The following ADGRA2 variants were observed in gnomAD, a reference collection of about 807,000 sequenced individuals.
The protein encoded by ADGRA2 is G-protein coupled receptor 124.
Under a neutral mutation model 98.7 loss-of-function variants are expected in ADGRA2, and 61 were observed. The ratio of observed to expected loss-of-function variants is 0.62; its 90% CI spans 0.50 to 0.76. The LOEUF (loss-of-function observed/expected upper bound fraction) is 0.76, where lower values mean the gene tolerates loss of function less well. Ranked by LOEUF, ADGRA2 falls within the 30% of genes least tolerant of loss-of-function variation. The pLI, the probability that ADGRA2 is intolerant of heterozygous loss-of-function variation, is 0.00. For missense variants in ADGRA2, 1,712 were observed against 1,860.0 expected (o/e 0.92, Z 1.46); for synonymous variants, 858 against 831.5 (o/e 1.03, Z -0.55).
In ADGRA2 at chr8:37,816,927, AACACACACACACACACAC is replaced by A. The variant is rs3050620; in HGVS notation, c.338+1992_338+2009del. On this transcript the variant is annotated intron_variant, in intron 2 of 18. Transcript: ENST00000412232. ...CAAGACTGTCTCAAAAAGAAAGCAA[AACACACACACACACACAC>A]ACACACACACACACACACACACACA... Among the ~76,000 whole-genome samples, 148 of 131,988 alleles carry A rather than the reference AACACACACACACACACAC, an allele frequency of 1.1e-3. 2 individuals carry two copies. Among genetic ancestry groups the A allele is most frequent in the Middle Eastern group, 4.0e-3 (1 of 252 alleles). The allele number at this position is 131,988 out of a possible 152,430, so 86.6% of individuals were successfully genotyped here.
In ADGRA2 at chr8:37,844,890, C is replaced by G; in HGVS notation, c.*2535C>G. Reference sequence around the variant, plus strand: ...CTTCACCACAGACCGTTTGTCAAGTCTCAGAACTCGTAACCAGGCCAGCTG... The same window carrying G: ...CTTCACCACAGACCGTTTGTCAAGTGTCAGAACTCGTAACCAGGCCAGCTG... On this transcript the variant is annotated 3_prime_UTR_variant, in exon 19 of 19. Transcript: ENST00000412232. 4 of 1,614,196 alleles carry G rather than the reference C, an allele frequency of 2.5e-6. No homozygotes were observed. Among genetic ancestry groups the G allele is most frequent in the Non-Finnish European group, 2.5e-6 (3 of 1,180,026 alleles).
intron 13 of ADGRA2, among the ~76,000 whole-genome samples, chr8:37,836,097 A>ACACACCC (rs1245868623): frequency 9.2e-5 from 10 of 108,742 alleles, no homozygotes; most frequent in African/African-American, 3.3e-4. Flanking sequence ...ACACACACAC[A>ACACACCC]CCCCACAGGC....
rs1490502608 is a variant in ADGRA2 at position 37,837,849 on chromosome 8, C to A, written c.2169C>A (p.Gly723=). Reference sequence around the variant, plus strand: ...AGGAGGGGCCCGGGGAGGCTGGGGGCTGGACCTCGGAGGGCTGCCAGCTCC... The same window carrying A: ...AGGAGGGGCCCGGGGAGGCTGGGGGATGGACCTCGGAGGGCTGCCAGCTCC... ...WSQEGPGEAG[G]WTSEGCQLRS... Residue 723 remains glycine, a synonymous_variant, in exon 14 of 19, where the codon GGC becomes GGA. Coordinates refer to ENST00000412232, the MANE Select transcript of ADGRA2 (RefSeq NM_032777.10). 4 of 1,516,372 alleles carry A rather than the reference C, an allele frequency of 2.6e-6. No homozygotes were observed. The highest frequency in any genetic ancestry group is 3.5e-6 in the Non-Finnish European group (4 of 1,130,700). The allele number at this position is 1,516,372 out of a possible 1,614,324, so 93.9% of individuals were successfully genotyped here. A position where few individuals can be genotyped will look rare whatever the true frequency, so the allele number is the denominator to read the frequency against.
chr8:37,823,567 T>G (rs1805185995), intron 2 of ADGRA2, among the ~76,000 whole-genome samples: 2 of 152,214 alleles, frequency 1.3e-5, no homozygotes, highest in South Asian at 4.1e-4. Flanking sequence ...CTTGTGTGGA[T>G]GTATCTGTAT....
chr8:37,826,952 C>T (rs1805300644), intron 2 of ADGRA2, among the ~76,000 whole-genome samples: 1 of 152,138 alleles, frequency 6.6e-6, no homozygotes, highest in African/African-American at 2.4e-5. Flanking sequence ...GCAAGTGGGC[C>T]CCAGAAATCT....
intron 17 of ADGRA2, 64 bp downstream of exon 17, chr8:37,840,330 C>T (rs1354029468): frequency 4.6e-5 from 72 of 1,561,594 alleles, no homozygotes; most frequent in Non-Finnish European, 6.3e-5. Context: ...TAGGAAACCT[C>T]CCAAGGTGGG....
rs187719716 is a variant in ADGRA2 at position 37,829,731 on chromosome 8, A to G, written c.555-120A>G. 360 of 1,076,210 alleles carry G rather than the reference A, an allele frequency of 3.3e-4. 2 individuals are homozygous for G. In the East Asian group the frequency reaches 5.5e-3, roughly 17 times the overall value. The allele number at this position is 1,076,210 out of a possible 1,614,324, so 66.7% of individuals were successfully genotyped here. Reference sequence around the variant, plus strand: ...CGATGGCCCGGGGCAGAGATGGTGCACATAGACCCGATTTTGCCCCTCCTA... The same window carrying G: ...CGATGGCCCGGGGCAGAGATGGTGCGCATAGACCCGATTTTGCCCCTCCTA... On this transcript the variant is annotated intron_variant, in intron 5 of 18. Coordinates refer to ENST00000412232, the MANE Select transcript of ADGRA2 (RefSeq NM_032777.10).
Position 37,835,573 on chromosome 8 carries a change from C to A in ADGRA2, c.1853C>A (p.Ser618Tyr). ...FHIKNSVALASIQLPPSLFSS... is the reference protein window; with the variant it reads ...FHIKNSVALAYIQLPPSLFSS... ...CCCCAGAACAGCGTGGCCCTGGCCTCCATCCAGCTGCCCCCGAGTCTATTC... is the reference window on the plus strand; with the variant it reads ...CCCCAGAACAGCGTGGCCCTGGCCTACATCCAGCTGCCCCCGAGTCTATTC... The change falls in exon 13 of 19, where the codon TCC (serine) becomes TAC (tyrosine). Residue 618 changes from serine to tyrosine, a missense_variant. By Grantham distance (144) the Ser-to-Tyr change is moderately radical. Coordinates refer to ENST00000412232, the MANE Select transcript of ADGRA2 (RefSeq NM_032777.10). 1.2e-6 allele frequency: 2 copies of A among 1,612,886 alleles called. No homozygotes were observed. The highest frequency in any genetic ancestry group is 8.5e-7 in the Non-Finnish European group (1 of 1,178,906).
intron 13 of ADGRA2, among the ~76,000 whole-genome samples, chr8:37,836,339 G>A (rs747880049): frequency 1.3e-4 from 20 of 152,148 alleles, no homozygotes; most frequent in Non-Finnish European, 2.2e-4. Context: ...CTGTCATGGC[G>A]GAGGTGGGAC....
chr8:37,841,859 A>G lies in ADGRA2; in HGVS notation c.3521A>G (p.Asn1174Ser), dbSNP rs1295008686. ...GGAAACCTCGCCCACCGCCACCCCA[A>G]CAACGTGCACCACGGGCGTCGGGCG... ...TRGNLAHRHP[N>S]NVHHGRRAHK... is the part of the protein sequence containing the mutation. Residue 1174 changes from asparagine to serine, a missense_variant, in exon 19 of 19, where the codon AAC (asparagine) becomes AGC (serine). Physicochemically the swap from Asn to Ser is conservative, Grantham distance 46. Coordinates refer to ENST00000412232, the MANE Select transcript of ADGRA2 (RefSeq NM_032777.10). This position sits in a 1 kb window ranked among gnomAD's most constrained non-coding sequence, Gnocchi z 5.0. The G allele has an allele frequency of 2.0e-6, 3 of 1,534,168 alleles. No individual in the cohort carries two copies. Among genetic ancestry groups the G allele is most frequent in the Non-Finnish European group, 2.6e-6 (3 of 1,146,520 alleles).
intron 2 of ADGRA2, among the ~76,000 whole-genome samples, chr8:37,819,183 A>G (rs1805062049): frequency 6.6e-6 from 1 of 152,140 alleles, no homozygotes; most frequent in Admixed American, 6.6e-5. Context: ...TGGGACACCC[A>G]CAGCGCCCAT....
chr8:37,835,372 G>A lies in ADGRA2; in HGVS notation c.1807G>A (p.Val603Ile). ...CCGCTGCACCACCGGGAGGCCCAAT[G>A]TTTCTCTGTCGTCCTTCCACATCAA... is the stretch of plus-strand genomic sequence containing the variant. ...RFRCTTGRPN[V>I]SLSSFHIKNS... is the part of the protein sequence containing the mutation. The change falls in exon 12 of 19, where the codon GTT (valine) becomes ATT (isoleucine). Residue 603 changes from valine (V) to isoleucine (I), a missense_variant. By Grantham distance (29) the Val-to-Ile change is conservative. Coordinates refer to ENST00000412232, the MANE Select transcript of ADGRA2 (RefSeq NM_032777.10). 3 of 1,611,770 alleles carry A rather than the reference G, an allele frequency of 1.9e-6. No individual in the cohort carries two copies. The highest frequency in any genetic ancestry group is 2.5e-6 in the Non-Finnish European group (3 of 1,179,820).
intron 1 of ADGRA2, among the ~76,000 whole-genome samples, chr8:37,801,401 C>T (rs1054214548): frequency 1.3e-5 from 2 of 152,056 alleles, no homozygotes; most frequent in Admixed American, 6.5e-5. Context: ...AAAGGTCCCA[C>T]GGGGGGTGGC....
intron 14 of ADGRA2, among the ~76,000 whole-genome samples, chr8:37,838,344 T>A (rs1216098948): frequency 6.6e-6 from 1 of 151,050 alleles, no homozygotes; most frequent in Non-Finnish European, 1.5e-5. Flanking sequence ...CTCCGCCTCC[T>A]AGGTCCAAGT....
intron 2 of ADGRA2, among the ~76,000 whole-genome samples, chr8:37,815,540 G>A (rs931398377): frequency 1.3e-5 from 2 of 152,342 alleles, no homozygotes; most frequent in South Asian, 4.1e-4. Context: ...CCGCTAGCCG[G>A]CTGGAACCTC....
Position 37,842,112 on chromosome 8 carries a change from C to G in ADGRA2, c.3774C>G (p.Thr1258=), listed in dbSNP as rs1283045346. 1 of 1,497,448 alleles carries G rather than the reference C, an allele frequency of 6.7e-7. No individual in the cohort carries two copies. The highest frequency in any genetic ancestry group is 1.3e-5 in the South Asian group (1 of 78,512). The allele number at this position is 1,497,448 out of a possible 1,614,324, so 92.8% of individuals were successfully genotyped here. A position where few individuals can be genotyped will look rare whatever the true frequency, so the allele number is the denominator to read the frequency against. ...TCACGCCGTCCGAGGGCAGCGACACCAGCGCCGCGCCGCTTTCTGAGGCGG... is the reference window on the plus strand; with the variant it reads ...TCACGCCGTCCGAGGGCAGCGACACGAGCGCCGCGCCGCTTTCTGAGGCGG... ...PMLTPSEGSD[T]SAAPLSEAGR... is the part of the protein sequence containing the mutation. Residue 1258 remains threonine (T), a synonymous_variant, in exon 19 of 19, where the codon ACC becomes ACG. Transcript: ENST00000412232.
chr8:37,837,957 T>G lies in ADGRA2; in HGVS notation c.2259+18T>G. On this transcript the variant is annotated intron_variant, in intron 14 of 18. Transcript: ENST00000412232. Reference sequence around the variant, plus strand: ...TGCTCATGGTGGGTGTGAGGAGGGGTGACAAGTCGGGGGGGCAGGGACACG... The same window carrying G: ...TGCTCATGGTGGGTGTGAGGAGGGGGGACAAGTCGGGGGGGCAGGGACACG... 2 of 1,439,270 alleles carry G rather than the reference T, an allele frequency of 1.4e-6. No homozygotes were observed. The highest frequency in any genetic ancestry group is 1.8e-6 in the Non-Finnish European group (2 of 1,093,350). 89.2% of individuals were successfully genotyped at this position (1,439,270 alleles called of 1,614,324 possible). A position where few individuals can be genotyped will look rare whatever the true frequency, so the allele number is the denominator to read the frequency against.
intron 7 of ADGRA2, 100 bp from the exon 8 acceptor site, chr8:37,831,323 A>G (rs1336649488): frequency 1.9e-5 from 21 of 1,116,924 alleles, no homozygotes; most frequent in South Asian, 4.2e-5. Flanking sequence ...TCATTAAAGA[A>G]AAAAGGACCT....
At chr8:37,806,224 T>A (rs1196121263) in intron 1 of ADGRA2, among the ~76,000 whole-genome samples, 1 of 152,208 alleles carries the variant, frequency 6.6e-6, no homozygotes, top group African/African-American at 2.4e-5. Flanking sequence ...ATGTGATGTA[T>A]GATTTATGTT....
Sources: gnomAD v4.1 joint callset for allele counts (sites outside exome capture counted in the v4.1 genomes callset) on GRCh38, gnomAD v4.1.1 for gene constraint, Gnocchi (gnomAD v3.1) non-coding constraint, MANE v1.5 for transcripts, NCBI Gene and HGNC (gene_info 2026-07-23, HGNC 2026-07-21) for gene names.